The following RPS9 variants were observed in gnomAD, a reference collection of about 807,000 sequenced individuals.
RPS9 encodes the protein ribosomal protein S9.
In RPS9, 1 loss-of-function variant was observed where a neutral mutation model predicts 16.9. That is an observed-to-expected ratio of 0.06 (90% CI 0.02 to 0.28). RPS9 has a LOEUF of 0.28. Ranked by LOEUF, RPS9 falls within the 10% of genes least tolerant of loss-of-function variation. RPS9 has a pLI of 1.00. For missense variants in RPS9, 137 were observed against 273.2 expected, an observed-to-expected ratio of 0.50 and a Z score of 3.51; for synonymous variants, 106 against 110.9, an observed-to-expected ratio of 0.96 and a Z score of 0.28.
At chr19:54,201,825 C>T (rs758673223) in intron 3 of RPS9, 136 of 1,009,274 alleles carry the variant, frequency 1.3e-4, no homozygotes, top group Admixed American at 3.2e-4. Flanking sequence ...AGTTATTGGA[C>T]CTTCAGTTTA....
At chr19:54,207,309 C>G (rs906604541) in intron 4 of RPS9, 89 bp from the exon 5 acceptor site, 26 of 1,184,886 alleles carry the variant, frequency 2.2e-5, no homozygotes, top group Non-Finnish European at 3.0e-5. Flanking sequence ...GGCGGCCTCA[C>G]GGGGTGGGTG....
chr19:54,202,382 A>G (rs926910717), intron 3 of RPS9: 88 of 971,014 alleles, frequency 9.1e-5, no homozygotes, highest in Non-Finnish European at 1.0e-4. Context: ...ATGGGTTTTC[A>G]CCATGTTGTC....
At chr19:54,205,982 A>G in intron 3 of RPS9, among the ~76,000 whole-genome samples, 1 of 152,142 alleles carries the variant, frequency 6.6e-6, no homozygotes. Context: ...CGGCCTGGCT[A>G]ATTTTTCGTA....
chr19:54,204,494 C>T (rs1445842966), intron 3 of RPS9, among the ~76,000 whole-genome samples: 1 of 152,194 alleles, frequency 6.6e-6, no homozygotes, highest in Non-Finnish European at 1.5e-5. Context: ...GCCTGGACCT[C>T]CTGTGCTTAA....
chr19:54,206,417 A>G lies in RPS9; in HGVS notation c.362A>G (p.Lys121Arg). The change falls in exon 4 of 5, where the codon AAG becomes AGG. Residue 121 changes from lysine to arginine, a missense_variant. Physicochemically the swap from Lys to Arg is conservative, Grantham distance 26. Transcript: ENST00000302907. ...QTQVFKLGLAKSIHHARVLIR... is the reference protein window; with the variant it reads ...QTQVFKLGLARSIHHARVLIR... ...CAGGTCTTCAAGCTGGGCTTGGCCAAGTCCATCCACCACGCTCGCGTGCTG... is the reference window on the plus strand; with the variant it reads ...CAGGTCTTCAAGCTGGGCTTGGCCAGGTCCATCCACCACGCTCGCGTGCTG... 2 of 1,614,268 alleles carry G rather than the reference A, an allele frequency of 1.2e-6. No homozygotes were observed. Among genetic ancestry groups the G allele is most frequent in the Non-Finnish European group, 8.5e-7 (1 of 1,180,042 alleles).
At chr19:54,201,039 A>T in intron 1 of RPS9, 121 bp from the exon 2 acceptor site, 1 of 1,480,360 alleles carries the variant, frequency 6.8e-7, no homozygotes, top group Non-Finnish European at 9.0e-7. Flanking sequence ...GATACTGACT[A>T]TGAGAGCGTT....
chr19:54,206,726 T>C, intron 4 of RPS9: 2 of 1,486,686 alleles, frequency 1.3e-6, no homozygotes, highest in Admixed American at 4.3e-5. Context: ...GCTGGACAGG[T>C]AACAGCTCTT....
At chr19:54,204,566 A>G (rs1425322626) in intron 3 of RPS9, among the ~76,000 whole-genome samples, 1 of 152,000 alleles carries the variant, frequency 6.6e-6, no homozygotes, top group Non-Finnish European at 1.5e-5. Flanking sequence ...ATGCCCGGCT[A>G]ATTTAGTTTT....
At chr19:54,201,637 A>T in intron 3 of RPS9, 28 bp downstream of exon 3, 1 of 1,613,652 alleles carries the variant, frequency 6.2e-7, no homozygotes, top group Non-Finnish European at 8.5e-7. Context: ...CAGCAGAGGG[A>T]TGGGGTGCAG....
intron 3 of RPS9, among the ~76,000 whole-genome samples, chr19:54,204,169 C>T (rs1206656980): frequency 1.3e-5 from 2 of 151,980 alleles, no homozygotes; most frequent in African/African-American, 2.4e-5. Context: ...CACCCGAGGT[C>T]GGGAGTTTGA....
chr19:54,200,904 G>T lies in RPS9; in HGVS notation c.-26+16G>T, dbSNP rs1210915952. 34 of 1,335,956 alleles carry T rather than the reference G, an allele frequency of 2.5e-5. No homozygotes were observed. The highest frequency in any genetic ancestry group is 3.3e-5 in the Non-Finnish European group (34 of 1,043,798). 82.8% of individuals were successfully genotyped at this position (1,335,956 alleles called of 1,614,324 possible). A position where few individuals can be genotyped will look rare whatever the true frequency, so the allele number is the denominator to read the frequency against. ...GTTTGCTTAGGTGAGGTGCGGTGGT[G>T]TGCTTTTTCTCTAGGGTTTGGGTTG... On this transcript the variant is annotated intron_variant, in intron 1 of 4. Coordinates refer to ENST00000302907, the MANE Select transcript of RPS9 (RefSeq NM_001013.4).
intron 4 of RPS9, 107 bp downstream of exon 4, chr19:54,206,569 G>T: frequency 6.4e-7 from 1 of 1,559,248 alleles, no homozygotes; most frequent in East Asian, 2.4e-5. Flanking sequence ...GAGGTGATGG[G>T]TGTGAACTCA....
chr19:54,201,437 G>A, intron 2 of RPS9, 50 bp from the exon 3 acceptor site: 3 of 1,612,422 alleles, frequency 1.9e-6, no homozygotes, highest in Non-Finnish European at 2.5e-6. Context: ...CAGTCTAGTT[G>A]TTGTGCCAGT....
intron 4 of RPS9, chr19:54,207,147 T>C (rs2077270566): frequency 7.5e-6 from 4 of 533,122 alleles, no homozygotes; most frequent in Non-Finnish European, 1.3e-5. Flanking sequence ...CTTTGTGGTC[T>C]TAGGTGGGAT....
At chr19:54,201,360 T>C (rs781701188) in intron 2 of RPS9, 79 bp downstream of exon 2, 155 of 1,608,172 alleles carry the variant, frequency 9.6e-5, no homozygotes, top group Non-Finnish European at 1.3e-4. Context: ...CCATGTACTC[T>C]ATCTAGTCCG....
rs1287927136 is a variant in RPS9 at position 54,202,928 on chromosome 19, C to T, written c.220+1319C>T. 9 of 974,218 alleles carry T rather than the reference C, an allele frequency of 9.2e-6. No homozygotes were observed. The South Asian group carries it at 1.4e-4, about 15-fold the overall frequency. 60.3% of individuals were successfully genotyped at this position (974,218 alleles called of 1,614,324 possible). A position where few individuals can be genotyped will look rare whatever the true frequency, so the allele number is the denominator to read the frequency against. ...GACCAGGATGGTTTCCAACTCCTAA[C>T]CTCAAGTGATCCATCCACCTCAGCT... is the stretch of plus-strand genomic sequence containing the variant. On this transcript the variant is annotated intron_variant, in intron 3 of 4. Coordinates refer to ENST00000302907, the MANE Select transcript of RPS9 (RefSeq NM_001013.4).
intron 3 of RPS9, chr19:54,203,180 TTAC>T: frequency 4.3e-6 from 4 of 932,432 alleles, no homozygotes; most frequent in Non-Finnish European, 5.1e-6. Flanking sequence ...GCAATGAAAC[TTAC>T]AGTCATGTGA....
In RPS9 at chr19:54,201,163, C is replaced by T. The variant is rs1244017193; in HGVS notation, c.-22C>T. Reference sequence around the variant, plus strand: ...CTCACACTTCTCTCCCGCGCAGGCGCAGACGGGGAAGCGGAGCCAACATGC... The same window carrying T: ...CTCACACTTCTCTCCCGCGCAGGCGTAGACGGGGAAGCGGAGCCAACATGC... On this transcript the variant is annotated 5_prime_UTR_variant, in exon 2 of 5. Coordinates refer to ENST00000302907, the MANE Select transcript of RPS9 (RefSeq NM_001013.4). The T allele has an allele frequency of 3.7e-6, 6 of 1,612,922 alleles. No homozygotes were observed. The African/African-American group carries it at 8.0e-5, about 22-fold the overall frequency.
At chr19:54,203,161 A>G in intron 3 of RPS9, 9 of 928,280 alleles carry the variant, frequency 9.7e-6, no homozygotes, top group Non-Finnish European at 1.2e-5. Flanking sequence ...CTGGACATAG[A>G]TCCTAATTGC....
Sources: gnomAD v4.1 joint callset for allele counts (sites outside exome capture counted in the v4.1 genomes callset) on GRCh38, gnomAD v4.1.1 for gene constraint, MANE v1.5 for transcripts, NCBI Gene and HGNC (gene_info 2026-07-23, HGNC 2026-07-21) for gene names.